PRCP: variants seen among roughly 807,000 people sequenced by gnomAD.
PRCP encodes the protein lysosomal Pro-X carboxypeptidase.
PRCP carries 46 observed loss-of-function variants against 54.2 expected under a neutral mutation model. That is an observed-to-expected ratio of 0.85 (90% CI 0.67 to 1.09). PRCP has a LOEUF of 1.09. Among genes scored for constraint, PRCP ranks in the 50% least tolerant of loss-of-function variants. The pLI is 0.00. For synonymous variants in PRCP, 240 were observed against 212.2 expected (o/e 1.13, Z -1.14); for missense variants, 613 against 596.8 (o/e 1.03, Z -0.28).
intron 1 of PRCP, among the ~76,000 whole-genome samples, chr11:82,888,829 T>C (rs902190924): frequency 6.6e-6 from 1 of 151,826 alleles, no homozygotes; most frequent in African/African-American, 2.4e-5. Context: ...TGTAGAAAAA[T>C]GGGAGAGAAG....
rs1482872883 is a variant in PRCP at position 82,823,285 on chromosome 11, A to C, written c.*1621T>G. Among the ~76,000 whole-genome samples the C allele has an allele frequency of 6.6e-6, 1 of 152,232 alleles. No individual in the cohort carries two copies. Among genetic ancestry groups the C allele is most frequent in the African/African-American group, 2.4e-5 (1 of 41,458 alleles). On this transcript the variant is annotated 3_prime_UTR_variant, in exon 9 of 9. Transcript: ENST00000313010. ...AAGAATATCCTCTATTGAGCCCATA[A>C]ACCCTGCATTATTTAATTTCTTAGT...
At chr11:82,890,422 A>G (rs1218167506) in intron 1 of PRCP, among the ~76,000 whole-genome samples, 3 of 152,160 alleles carry the variant, frequency 2.0e-5, no homozygotes, top group African/African-American at 7.2e-5. Flanking sequence ...GACTATGGTC[A>G]AACTGTTCAT....
chr11:82,873,249 G>T (rs1284913731), intron 1 of PRCP, among the ~76,000 whole-genome samples: 1 of 152,118 alleles, frequency 6.6e-6, no homozygotes, highest in Non-Finnish European at 1.5e-5. Context: ...ACCCCAGAAA[G>T]ATCTCAATGA....
At chr11:82,856,692 C>A (rs1398831383) in intron 2 of PRCP, among the ~76,000 whole-genome samples, 9 of 142,688 alleles carry the variant, frequency 6.3e-5, no homozygotes, top group Admixed American at 4.8e-4. Context: ...AAATAAAAGT[C>A]AAGAAAAAAA....
At position 82,860,014 on chromosome 11, in the gene PRCP, C is replaced by A; in HGVS notation, c.272G>T (p.Gly91Val). The A allele has an allele frequency of 6.3e-7, 1 of 1,589,786 alleles. No homozygotes were observed. Among genetic ancestry groups the A allele is most frequent in the Non-Finnish European group, 8.5e-7 (1 of 1,169,654 alleles). ...AAACCAGATAATGTCCCCTTCATTA[C>A]CAGTGTAGAAAAGTATTGATCCACC... ...KNGGSILFYT[G>V]NEGDIIWFCN... Residue 91 changes from glycine (G) to valine (V), a missense_variant, in exon 2 of 9, where the codon GGT becomes GTT. Transcript: ENST00000313010.
chr11:82,852,707 G>A (rs1232856436), intron 3 of PRCP, among the ~76,000 whole-genome samples: 3 of 151,546 alleles, frequency 2.0e-5, no homozygotes, highest in Non-Finnish European at 4.4e-5. Context: ...AAGGCTGAAA[G>A]GGAATCCAAG....
At position 82,846,887 on chromosome 11, in the gene PRCP, A is replaced by G. The variant is rs371435985; in HGVS notation, c.921+2162T>C. 3.3e-5 allele frequency among the ~76,000 whole-genome samples: 5 copies of G among 152,254 alleles called. No individual in the cohort carries two copies. The East Asian group carries it at 5.8e-4, about 18-fold the overall frequency. ...TGTGGTACACCAACTAACATTCAAC[A>G]GCTATATTTCTCCAGCCTTTTTCTA... On this transcript the variant is annotated intron_variant, in intron 6 of 8. Transcript: ENST00000313010.
rs560668233 is a variant in PRCP, at chr11:82,877,710, G to C, written c.169-17593C>G. On this transcript the variant is annotated intron_variant, in intron 1 of 8. Coordinates refer to ENST00000313010, the MANE Select transcript of PRCP (RefSeq NM_005040.4). ...AGAAGATGCATGGAAATGCCTGGAT[G>C]CCCAGGCAAAAGTTTGCTGCAGGGG... is the stretch of plus-strand genomic sequence containing the variant. Among the ~76,000 whole-genome samples, 10 of 152,360 alleles carry C rather than the reference G, an allele frequency of 6.6e-5. No individual in the cohort carries two copies. The East Asian group carries it at 1.9e-3, about 29-fold the overall frequency.
intron 1 of PRCP, among the ~76,000 whole-genome samples, chr11:82,898,261 C>T (rs889911041): frequency 4.6e-5 from 7 of 152,130 alleles, no homozygotes; most frequent in African/African-American, 1.7e-4. Context: ...CAAAATGTGG[C>T]TGAGTAAAGC....
chr11:82,857,902 C>T (rs1319488043), intron 2 of PRCP, among the ~76,000 whole-genome samples: 4 of 152,172 alleles, frequency 2.6e-5, no homozygotes, highest in Non-Finnish European at 5.9e-5. Context: ...CAGTGCTGAT[C>T]ACTCCCCCTT....
chr11:82,853,027 A>T (rs907863329), intron 3 of PRCP, 150 bp downstream of exon 3: 7 of 532,130 alleles, frequency 1.3e-5, no homozygotes, highest in Non-Finnish European at 2.3e-5. Flanking sequence ...AGTCTGTTCA[A>T]ATTGTATCTA....
At chr11:82,890,108 A>C (rs1202694016) in intron 1 of PRCP, among the ~76,000 whole-genome samples, 4 of 152,228 alleles carry the variant, frequency 2.6e-5, no homozygotes, top group African/African-American at 7.2e-5. Flanking sequence ...AAGAAACTGA[A>C]TGTAGCTAGA....
At chr11:82,896,231 T>C (rs1450798114) in intron 1 of PRCP, among the ~76,000 whole-genome samples, 2 of 152,248 alleles carry the variant, frequency 1.3e-5, no homozygotes, top group African/African-American at 4.8e-5. Flanking sequence ...TGATTAATTT[T>C]ATATGCCAAC....
intron 1 of PRCP, among the ~76,000 whole-genome samples, chr11:82,870,217 G>C (rs1565230094): frequency 6.6e-6 from 1 of 152,220 alleles, no homozygotes; most frequent in Non-Finnish European, 1.5e-5. Flanking sequence ...CAGCATACTA[G>C]TGTTTGGTGA....
rs1034306035 is a variant in PRCP at position 82,853,736 on chromosome 11, G to A, written c.310-458C>T. Among the ~76,000 whole-genome samples the A allele has an allele frequency of 7.9e-5, 12 of 152,102 alleles. No homozygotes were observed. In the East Asian group the frequency reaches 1.5e-3, roughly 20 times the overall value. ...AAAACTTCGGGCCAATATCCCTGAC[G>A]AAAATAGATGCAAAAACCCTTAACA... On this transcript the variant is annotated intron_variant, in intron 2 of 8. Coordinates refer to ENST00000313010, the MANE Select transcript of PRCP (RefSeq NM_005040.4).
At chr11:82,889,422 G>A (rs556931575) in intron 1 of PRCP, among the ~76,000 whole-genome samples, 14 of 151,788 alleles carry the variant, frequency 9.2e-5, no homozygotes, top group Admixed American at 6.6e-4. Flanking sequence ...GAGGAGGGAT[G>A]GAGGAAGGAG....
At chr11:82,876,894 G>C (rs917499914) in intron 1 of PRCP, among the ~76,000 whole-genome samples, 4 of 152,234 alleles carry the variant, frequency 2.6e-5, no homozygotes. Context: ...AACAGGCAGA[G>C]GTTGGAACAG....
intron 6 of PRCP, chr11:82,839,743 C>T: frequency 3.5e-6 from 1 of 285,962 alleles, no homozygotes; most frequent in Non-Finnish European, 6.5e-6. Flanking sequence ...AGGCTCCTTC[C>T]CCTTTGCCCT....
intron 8 of PRCP, chr11:82,826,376 T>C (rs751447071): frequency 2.4e-4 from 37 of 152,374 alleles, no homozygotes; most frequent in Non-Finnish European, 2.5e-4. Flanking sequence ...CATCATTTGA[T>C]GCACGTTTGT....
Sources: allele counts gnomAD v4.1 joint callset (sites outside exome capture counted in the v4.1 genomes callset), GRCh38; gene constraint gnomAD v4.1.1; transcripts MANE v1.5; gene names NCBI Gene and HGNC (gene_info 2026-07-23, HGNC 2026-07-21).